The following TASOR variants were observed in gnomAD, a reference collection of about 807,000 sequenced individuals.
TASOR encodes the protein transcription activation suppressor, also known as protein TASOR.
A neutral mutation model predicts 178.6 loss-of-function variants in TASOR; 53 were observed. The ratio of observed to expected loss-of-function variants is 0.30; its 90% CI spans 0.24 to 0.37. The LOEUF (loss-of-function observed/expected upper bound fraction) is 0.37. Among genes scored for constraint, TASOR ranks in the 10% least tolerant of loss-of-function variants. The pLI, the probability that TASOR is intolerant of heterozygous loss-of-function variation, is 1.00. For missense variants in TASOR, 1,815 were observed against 1,971.4 expected, an observed-to-expected ratio of 0.92 and a Z score of 1.50; for synonymous variants, 713 against 696.2, an observed-to-expected ratio of 1.02 and a Z score of -0.38.
chr3:56,674,542 A>C (rs2031096576), intron 1 of TASOR, among the ~76,000 whole-genome samples: 1 of 152,106 alleles, frequency 6.6e-6, no homozygotes, highest in African/African-American at 2.4e-5. Flanking sequence ...TGCTGCACTC[A>C]CGTGGCTTCT....
chr3:56,659,047 G>A (rs763107115), intron 11 of TASOR, among the ~76,000 whole-genome samples: 7 of 151,722 alleles, frequency 4.6e-5, no homozygotes, highest in African/African-American at 1.2e-4. Context: ...TCAAAGACTC[G>A]CAAGGGTTTT....
At chr3:56,654,885 T>C (rs960698514) in intron 11 of TASOR, among the ~76,000 whole-genome samples, 4 of 152,210 alleles carry the variant, frequency 2.6e-5, no homozygotes, top group Non-Finnish European at 4.4e-5. Context: ...AACTGTACCA[T>C]TGGCTCTCCT....
chr3:56,621,183 C>G lies in TASOR; in HGVS notation c.*1854G>C, dbSNP rs554953089. On this transcript the variant is annotated 3_prime_UTR_variant, in exon 24 of 24. Coordinates refer to ENST00000683822, the MANE Select transcript of TASOR (RefSeq NM_001365635.2). Reference sequence around the variant, plus strand: ...CCAAAAAAAAACAAAACAACAACAACAAAAAAAAAACACTGTATGTTAAGG... The same window carrying G: ...CCAAAAAAAAACAAAACAACAACAAGAAAAAAAAAACACTGTATGTTAAGG... 1.3e-5 allele frequency: 2 copies of G among 151,150 alleles called. No individual in the cohort carries two copies. Among genetic ancestry groups the G allele is most frequent in the Admixed American group, 6.8e-5 (1 of 14,686 alleles). 9.4% of individuals were successfully genotyped at this position (151,150 alleles called of 1,614,324 possible).
intron 18 of TASOR, among the ~76,000 whole-genome samples, chr3:56,631,960 A>T (rs2076924789): frequency 6.6e-6 from 1 of 152,202 alleles, no homozygotes; most frequent in South Asian, 2.1e-4. Flanking sequence ...TCACAATGAG[A>T]AATCTTTCAT....
intron 18 of TASOR, chr3:56,628,929 A>ATT (rs58944810): frequency 4.0e-4 from 49 of 122,242 alleles, no homozygotes; most frequent in Non-Finnish European, 5.5e-4. Flanking sequence ...TACCAGGCTA[A>ATT]TTTTTTTTTT....
intron 14 of TASOR, among the ~76,000 whole-genome samples, chr3:56,643,391 G>T (rs982985161): frequency 6.6e-6 from 1 of 152,138 alleles, no homozygotes; most frequent in Non-Finnish European, 1.5e-5. Context: ...AAAGTTACAA[G>T]GGGTGGTGGG....
intron 17 of TASOR, among the ~76,000 whole-genome samples, chr3:56,634,415 C>T (rs944394424): frequency 3.3e-5 from 5 of 152,100 alleles, no homozygotes; most frequent in Non-Finnish European, 7.3e-5. Context: ...TGTAAGAATA[C>T]CAAACAGAAA....
Position 56,624,559 on chromosome 3 carries a change from T to G in TASOR, c.4403A>C (p.Asn1468Thr). 2 of 1,614,122 alleles carry G rather than the reference T, an allele frequency of 1.2e-6. No homozygotes were observed. Among genetic ancestry groups the G allele is most frequent in the Non-Finnish European group, 1.7e-6 (2 of 1,179,986 alleles). The change falls in exon 23 of 24, where the codon AAT becomes ACT. Residue 1468 changes from asparagine to threonine, a missense_variant. Around this residue, in one of 5 missense-constraint regions of TASOR, gnomAD observed 278 missense variants for 257.1 expected, o/e 1.08. Transcript: ENST00000683822. ...GATTGAATTGTGATAGCCCACAAGA[T>G]TTTTAAAGTTTTGCATGAAGTCTTC... is the stretch of plus-strand genomic sequence containing the variant. Reference protein sequence around the residue: ...TAEDFMQNFKNLVGYHNSITE... With the variant: ...TAEDFMQNFKTLVGYHNSITE...
rs1451224441 is a variant in TASOR at position 56,627,119 on chromosome 3, G to A, written c.4057C>T (p.Leu1353Phe). 6.2e-7 allele frequency: 1 copy of A among 1,609,308 alleles called. No individual in the cohort carries two copies. The highest frequency in any genetic ancestry group is 1.7e-5 in the Admixed American group (1 of 58,984). ...VENLKNFLTF[L>F]EELSTPEGKW... is the part of the protein sequence containing the mutation. ...CCTTCTGGAGTACTAAGTTCCTCAAGGAATGTCAAAAAATTTTTAAGGTTC... is the reference window on the plus strand; with the variant it reads ...CCTTCTGGAGTACTAAGTTCCTCAAAGAATGTCAAAAAATTTTTAAGGTTC... The change falls in exon 21 of 24, where the codon CTT (leucine) becomes TTT (phenylalanine). Residue 1353 changes from leucine (L) to phenylalanine (F), a missense_variant. Around this residue, in one of 5 missense-constraint regions of TASOR, gnomAD observed 134 missense variants for 195.2 expected, o/e 0.69. Coordinates refer to ENST00000683822, the MANE Select transcript of TASOR (RefSeq NM_001365635.2).
chr3:56,635,193 C>G (rs754938634), intron 17 of TASOR, among the ~76,000 whole-genome samples: 1 of 152,206 alleles, frequency 6.6e-6, no homozygotes, highest in African/African-American at 2.4e-5. Context: ...TGGTGGTTAT[C>G]ATGAACCAGT....
At position 56,682,775 on chromosome 3, in the gene TASOR, A is replaced by C. The variant is rs1192583000; in HGVS notation, c.232T>G (p.Ser78Ala). ...GGCAGGGCGGCCGCGCCCGCCTCAG[A>C]GGAGTCCTGAGGCTGCTCGTGGCTG... ...SLSHEQPQDS[S>A]EAGAAALPRG... Residue 78 changes from serine to alanine, a missense_variant, in exon 1 of 24, where the codon TCT becomes GCT. Ser to Ala is a moderately conservative substitution (Grantham distance 99, BLOSUM62 1). Coordinates refer to ENST00000683822, the MANE Select transcript of TASOR (RefSeq NM_001365635.2). The C allele has an allele frequency of 1.8e-5, 28 of 1,549,654 alleles. No individual in the cohort carries two copies. The Admixed American group carries it at 4.3e-4, about 24-fold the overall frequency.
At chr3:56,628,706 ACTAC>A in intron 18 of TASOR, 92 bp from the exon 19 acceptor site, 1 of 801,466 alleles carries the variant, frequency 1.2e-6, no homozygotes, top group Non-Finnish European at 1.9e-6. Flanking sequence ...GATAAGCTTA[ACTAC>A]TACCATGACA....
At chr3:56,643,850 A>G (rs7640995) in intron 14 of TASOR, among the ~76,000 whole-genome samples, 35,572 of 152,010 alleles carry the variant, frequency 0.23, 5,095 homozygotes, top group South Asian at 0.45. Context: ...AGAAATAAGT[A>G]AGAAACACCT....
intron 3 of TASOR, among the ~76,000 whole-genome samples, chr3:56,670,755 G>C (rs1446594878): frequency 6.6e-6 from 1 of 151,480 alleles, no homozygotes; most frequent in East Asian, 1.9e-4. Context: ...GGCCAACATG[G>C]GGAAACCCCA....
intron 21 of TASOR, 55 bp from the exon 22 acceptor site, chr3:56,625,061 A>C: frequency 5.8e-6 from 9 of 1,543,186 alleles, no homozygotes; most frequent in Non-Finnish European, 7.9e-6. Flanking sequence ...TTTAGTATGG[A>C]AATTTCTGCT....
intron 7 of TASOR, 191 bp from the exon 8 acceptor site, chr3:56,663,763 C>T: frequency 9.7e-7 from 1 of 1,035,798 alleles, no homozygotes; most frequent in Non-Finnish European, 1.2e-6. Flanking sequence ...AACAGAAGTA[C>T]TTACTTCGCT....
chr3:56,649,642 A>G (rs1440078346), intron 11 of TASOR, among the ~76,000 whole-genome samples: 1 of 152,244 alleles, frequency 6.6e-6, no homozygotes, highest in African/African-American at 2.4e-5. Context: ...CAGTAATTAC[A>G]TAAGACAGAA....
At chr3:56,653,609 C>T (rs4681963) in intron 11 of TASOR, among the ~76,000 whole-genome samples, 48,034 of 151,760 alleles carry the variant, frequency 0.32, 8,037 homozygotes, top group East Asian at 0.49. Flanking sequence ...AATTGTGTAC[C>T]CAGCACCCAA....
In TASOR at chr3:56,621,643, T is replaced by G; in HGVS notation, c.*1394A>C. 1.3e-6 allele frequency: 2 copies of G among 1,504,574 alleles called. No homozygotes were observed. The highest frequency in any genetic ancestry group is 1.8e-6 in the Non-Finnish European group (2 of 1,093,128). 93.2% of individuals were successfully genotyped at this position (1,504,574 alleles called of 1,614,324 possible). A position where few individuals can be genotyped will look rare whatever the true frequency, so the allele number is the denominator to read the frequency against. The stretch of plus-strand genomic sequence containing the variant: ...AATGTAGAAAATCAAATCCTTCACA[T>G]TTGATTTGTGTCTTCCAAATTATAA... On this transcript the variant is annotated 3_prime_UTR_variant, in exon 24 of 24. Coordinates refer to ENST00000683822, the MANE Select transcript of TASOR (RefSeq NM_001365635.2).
Sources: allele counts gnomAD v4.1 joint callset (sites outside exome capture counted in the v4.1 genomes callset), GRCh38; gene constraint gnomAD v4.1.1; regional missense constraint gnomAD v4.1.1; transcripts MANE v1.5; gene names NCBI Gene and HGNC (gene_info 2026-07-23, HGNC 2026-07-21).